Variants in GPC6 observed in about 807,000 individuals in gnomAD.
The protein encoded by GPC6 is glypican-6.
GPC6 carries 14 observed loss-of-function variants against 55.2 expected under a neutral mutation model. The ratio of observed to expected loss-of-function variants is 0.25; its 90% CI spans 0.17 to 0.40. The LOEUF is 0.40. Ranked by LOEUF, GPC6 falls within the 10% of genes least tolerant of loss-of-function variation. The pLI, the probability that GPC6 is intolerant of heterozygous loss-of-function variation, is 1.00. For missense variants in GPC6, 641 were observed against 708.5 expected, an observed-to-expected ratio of 0.90 and a Z score of 1.08; for synonymous variants, 278 against 259.6, an observed-to-expected ratio of 1.07 and a Z score of -0.68.
chr13:94,297,759 A>G (rs1424108251), intron 5 of GPC6, among the ~76,000 whole-genome samples: 2 of 152,206 alleles, frequency 1.3e-5, no homozygotes, highest in African/African-American at 2.4e-5. Context: ...GGACAAAACT[A>G]AAACTGATGG....
At chr13:94,067,633 A>AGACG (rs922366957) in intron 4 of GPC6, among the ~76,000 whole-genome samples, 12 of 152,152 alleles carry the variant, frequency 7.9e-5, no homozygotes, top group African/African-American at 2.7e-4. Flanking sequence ...ACAGACAGAC[A>AGACG]GACAGATAGA....
chr13:93,261,684 T>C (rs1386287349), intron 1 of GPC6, among the ~76,000 whole-genome samples: 3 of 152,070 alleles, frequency 2.0e-5, no homozygotes, highest in Non-Finnish European at 4.4e-5. Flanking sequence ...GATTTTAAGC[T>C]CCCCCAGGGA....
chr13:93,571,956 CT>C (rs1041336879), intron 2 of GPC6, among the ~76,000 whole-genome samples: 1 of 151,930 alleles, frequency 6.6e-6, no homozygotes, highest in Non-Finnish European at 1.5e-5. Context: ...AAGACATGAT[CT>C]AGTTTTACCA....
At chr13:94,034,842 T>C (rs895427112) in intron 4 of GPC6, among the ~76,000 whole-genome samples, 2 of 151,780 alleles carry the variant, frequency 1.3e-5, no homozygotes, top group Non-Finnish European at 2.9e-5. Flanking sequence ...GAGGCATACC[T>C]ATTGTGCAAC....
At chr13:93,554,283 T>G (rs544314231) in intron 2 of GPC6, among the ~76,000 whole-genome samples, 34 of 152,294 alleles carry the variant, frequency 2.2e-4, no homozygotes, top group Non-Finnish European at 3.5e-4. Context: ...CAACAGTAAA[T>G]TATACAGAGC....
At chr13:94,021,027 A>G (rs1882672124) in intron 3 of GPC6, among the ~76,000 whole-genome samples, 1 of 152,104 alleles carries the variant, frequency 6.6e-6, no homozygotes, top group Non-Finnish European at 1.5e-5. Context: ...ATGACATATT[A>G]TGACTCATTA....
At chr13:93,956,730 C>T (rs535762272) in intron 3 of GPC6, among the ~76,000 whole-genome samples, 28 of 152,272 alleles carry the variant, frequency 1.8e-4, no homozygotes, top group African/African-American at 5.5e-4. Flanking sequence ...TGTGTTCAAC[C>T]GGGCATGTTT....
Position 93,693,160 on chromosome 13 carries a change from G to A in GPC6, c.320-136994G>A, listed in dbSNP as rs187359378. Among the ~76,000 whole-genome samples, 136 of 152,216 alleles carry A rather than the reference G, an allele frequency of 8.9e-4. 1 individual carries two copies. The highest frequency in any genetic ancestry group is 3.4e-3 in the Middle Eastern group (1 of 290). The stretch of plus-strand genomic sequence containing the variant: ...TTGTTGGGCTAATCAATAGTGACTA[G>A]GGTGATACACTAGTCAAGGGCTCTC... On this transcript the variant is annotated intron_variant, in intron 2 of 8. Transcript: ENST00000377047.
At chr13:93,621,804 A>G (rs544928731) in intron 2 of GPC6, among the ~76,000 whole-genome samples, 2 of 152,220 alleles carry the variant, frequency 1.3e-5, no homozygotes, top group East Asian at 3.9e-4. Flanking sequence ...AGACTGTGTA[A>G]TGGTCAAGTC....
intron 7 of GPC6, among the ~76,000 whole-genome samples, chr13:94,394,018 T>G (rs952903551): frequency 3.5e-4 from 53 of 152,260 alleles, no homozygotes; most frequent in Non-Finnish European, 6.9e-4. Context: ...TGACAAGAAC[T>G]GTCAATTCTA....
chr13:93,566,018 T>C (rs916085920), intron 2 of GPC6, among the ~76,000 whole-genome samples: 2 of 151,520 alleles, frequency 1.3e-5, no homozygotes, highest in African/African-American at 2.4e-5. Flanking sequence ...CAAAAAAATA[T>C]AGTGAGTGAA....
At chr13:94,044,806 A>AT (rs984738313) in intron 4 of GPC6, among the ~76,000 whole-genome samples, 3 of 151,744 alleles carry the variant, frequency 2.0e-5, no homozygotes, top group Admixed American at 2.0e-4. Context: ...AGATTTTTAG[A>AT]TTTTTTCAGA....
At chr13:94,397,834 C>T (rs988618092) in intron 7 of GPC6, among the ~76,000 whole-genome samples, 1 of 152,266 alleles carries the variant, frequency 6.6e-6, no homozygotes, top group South Asian at 2.1e-4. Context: ...GTGTCCCCTC[C>T]CAAATCCCAT....
At chr13:93,451,792 C>T (rs555056227) in intron 1 of GPC6, among the ~76,000 whole-genome samples, 80 of 152,230 alleles carry the variant, frequency 5.3e-4, no homozygotes, top group African/African-American at 1.7e-3. Flanking sequence ...CAGGTACTTT[C>T]GGGTTTTCAG....
chr13:94,403,206 C>T lies in GPC6; in HGVS notation c.1657C>T (p.Leu553=). ...CTGCATTGTCCTGGCACTGCAGAGA[C>T]TGTGCAGATAATCTTGGGTTTTTGG... ...LTCIVLALQR[L]CR The change falls in exon 9 of 9, where the codon CTG becomes TTG. Residue 553 remains leucine, a synonymous_variant. Coordinates refer to ENST00000377047, the MANE Select transcript of GPC6 (RefSeq NM_005708.5). 6.2e-7 allele frequency: 1 copy of T among 1,612,188 alleles called. No individual in the cohort carries two copies. The highest frequency in any genetic ancestry group is 8.5e-7 in the Non-Finnish European group (1 of 1,178,274).
intron 4 of GPC6, among the ~76,000 whole-genome samples, chr13:94,215,363 T>C (rs1162424758): frequency 1.3e-5 from 2 of 152,176 alleles, no homozygotes; most frequent in Non-Finnish European, 2.9e-5. Context: ...TCTGTCCAGG[T>C]TTCCCAATTC....
chr13:94,390,694 A>G (rs1880604308), intron 7 of GPC6, among the ~76,000 whole-genome samples: 2 of 152,252 alleles, frequency 1.3e-5, no homozygotes, highest in East Asian at 1.9e-4. Flanking sequence ...AAAATTTGAC[A>G]TGAGATTTGA....
At chr13:93,605,631 G>A (rs911208524) in intron 2 of GPC6, among the ~76,000 whole-genome samples, 6 of 151,288 alleles carry the variant, frequency 4.0e-5, no homozygotes, top group South Asian at 2.1e-4. Flanking sequence ...AAGGTCAGGA[G>A]TTCGAGACCA....
chr13:94,011,513 T>C (rs1882243948), intron 3 of GPC6, among the ~76,000 whole-genome samples: 1 of 152,174 alleles, frequency 6.6e-6, no homozygotes, highest in South Asian at 2.1e-4. Context: ...TTGGGAATAC[T>C]GAAAATACTG....
Sources: gnomAD v4.1 joint callset for allele counts (sites outside exome capture counted in the v4.1 genomes callset) on GRCh38, gnomAD v4.1.1 for gene constraint, MANE v1.5 for transcripts, NCBI Gene and HGNC (gene_info 2026-07-23, HGNC 2026-07-21) for gene names.